The following FRMD3 variants were observed in gnomAD, a reference collection of about 807,000 sequenced individuals.
FRMD3 encodes the protein FERM domain-containing protein 3.
FRMD3 carries 33 observed loss-of-function variants against 70.2 expected under a neutral mutation model. The observed-to-expected ratio is 0.47, with a 90% confidence interval of 0.36 to 0.63. The LOEUF is 0.63. FRMD3 is among the 20% of genes least tolerant of loss of function. The probability of loss-of-function intolerance (pLI) is 0.00; values close to 1 mark genes in which losing one functional copy is unlikely to be tolerated. For synonymous variants in FRMD3, 279 were observed against 255.9 expected, an observed-to-expected ratio of 1.09 and a Z score of -0.86; for missense variants, 632 against 711.4, an observed-to-expected ratio of 0.89 and a Z score of 1.27.
chr9:83,396,131 C>A (rs1476201888), intron 1 of FRMD3, among the ~76,000 whole-genome samples: 2 of 152,178 alleles, frequency 1.3e-5, no homozygotes, highest in African/African-American at 2.4e-5. Context: ...CGAGGTCTGA[C>A]ACCTATGCTG....
chr9:83,298,651 T>G lies in FRMD3; in HGVS notation c.1070+97A>C, dbSNP rs1834772691. 6.6e-6 allele frequency: 6 copies of G among 913,712 alleles called. No individual in the cohort carries two copies. In the East Asian group the frequency reaches 1.5e-4, roughly 23 times the overall value. 56.6% of individuals were successfully genotyped at this position (913,712 alleles called of 1,614,324 possible). ...GTCTAAGGAAGTGAGAATGTCCTTC[T>G]TTAATGCTGTATGTCACTACACAAA... On this transcript the variant is annotated intron_variant, in intron 12 of 13. Transcript: ENST00000304195.
chr9:83,248,175 C>T lies in FRMD3; in HGVS notation c.1537G>A (p.Asp513Asn), dbSNP rs375988330. 139 of 1,614,058 alleles carry T rather than the reference C, an allele frequency of 8.6e-5. No homozygotes were observed. Among genetic ancestry groups the T allele is most frequent in the Non-Finnish European group, 1.1e-4 (132 of 1,180,046 alleles). Reference sequence around the variant, plus strand: ...ACCCGAATATGGCCAGTCAGAATGTCATAGCTCCACGACAAAGCACGGCGA... The same window carrying T: ...ACCCGAATATGGCCAGTCAGAATGTTATAGCTCCACGACAAAGCACGGCGA... Reference protein sequence around the residue: ...EARRALSWSYDILTGHIRVNP... With the variant: ...EARRALSWSYNILTGHIRVNP... Residue 513 changes from aspartate (D) to asparagine (N), a missense_variant, in exon 14 of 14, where the codon GAC (aspartate) becomes AAC (asparagine). Physicochemically the swap from Asp to Asn is conservative, Grantham distance 23. This residue lies in a region of FRMD3 where 418 missense variants were observed against 442.1 expected (regional missense o/e 0.95). Transcript: ENST00000304195.
At chr9:83,461,665 CTTTTTTTTTTTTTTTTTTTTT>C (rs200147815) in intron 1 of FRMD3, among the ~76,000 whole-genome samples, 26 of 70,696 alleles carry the variant, frequency 3.7e-4, no homozygotes, top group African/African-American at 7.9e-4. Flanking sequence ...AGGAATTTCC[CTTTTTTTTTTTTTTTTTTTTT>C]TTTTTTTTTT....
chr9:83,284,061 A>ATTTTTTTTTTTTTTTTTTTTTTGT (rs1834089694), intron 13 of FRMD3, among the ~76,000 whole-genome samples: 1 of 101,708 alleles, frequency 9.8e-6, no homozygotes, highest in Non-Finnish European at 2.0e-5. Flanking sequence ...CTAGGATGTT[A>ATTTTTTTTTTTTTTTTTTTTTTGT]TTTTTTTTTT....
chr9:83,407,708 C>T (rs1231375917), intron 1 of FRMD3, among the ~76,000 whole-genome samples: 1 of 152,182 alleles, frequency 6.6e-6, no homozygotes, highest in African/African-American at 2.4e-5. Flanking sequence ...ATTGACTGAG[C>T]TCAACTGGAT....
intron 3 of FRMD3, among the ~76,000 whole-genome samples, chr9:83,357,245 AC>A (rs1564032559): frequency 0.11 from 702 of 6,424 alleles, 97 homozygotes; most frequent in Middle Eastern, 0.25. Context: ...TATAATACAT[AC>A]ATATATATAT....
chr9:83,549,144 C>T, the FRMD3 span, among the ~76,000 whole-genome samples: 1 of 151,910 alleles, frequency 6.6e-6, no homozygotes, highest in Admixed American at 6.6e-5. Flanking sequence ...CTTTTGTTTC[C>T]CTCTTTGTGT....
chr9:83,498,781 T>C (rs1828999798), intron 1 of FRMD3, among the ~76,000 whole-genome samples: 1 of 152,142 alleles, frequency 6.6e-6, no homozygotes, highest in Admixed American at 6.5e-5. Context: ...AAAAACAGTG[T>C]ATTTTCCACT....
At chr9:83,423,092 G>A (rs1013119845) in intron 1 of FRMD3, among the ~76,000 whole-genome samples, 2 of 152,134 alleles carry the variant, frequency 1.3e-5, no homozygotes, top group East Asian at 1.9e-4. Context: ...CACCAATTTC[G>A]ATATTTTGAA....
chr9:83,536,774 G>A (rs1000948551), intron 1 of FRMD3, among the ~76,000 whole-genome samples: 1 of 151,760 alleles, frequency 6.6e-6, no homozygotes, highest in Non-Finnish European at 1.5e-5. Context: ...CCCCCAACAT[G>A]TCACACACTC....
intron 1 of FRMD3, among the ~76,000 whole-genome samples, chr9:83,503,875 G>A (rs973584225): frequency 4.6e-5 from 7 of 152,186 alleles, no homozygotes; most frequent in Non-Finnish European, 7.3e-5. Flanking sequence ...CAACTCATTC[G>A]TGCAAGAAGG....
At chr9:83,436,221 A>G (rs144470220) in intron 1 of FRMD3, among the ~76,000 whole-genome samples, 2 of 152,286 alleles carry the variant, frequency 1.3e-5, no homozygotes, top group East Asian at 3.9e-4. Flanking sequence ...AGCAGCTCCA[A>G]AAGAAAGAAA....
chr9:83,344,245 T>C (rs1823873873), intron 4 of FRMD3, among the ~76,000 whole-genome samples: 1 of 152,244 alleles, frequency 6.6e-6, no homozygotes, highest in South Asian at 2.1e-4. Flanking sequence ...GCAGATTCTT[T>C]CCGTGCTTCC....
chr9:83,468,263 A>G (rs978611222), intron 1 of FRMD3, among the ~76,000 whole-genome samples: 37 of 152,262 alleles, frequency 2.4e-4, no homozygotes, highest in African/African-American at 8.4e-4. Context: ...CTTTATCTGT[A>G]TAAGAAAATA....
the FRMD3 span, among the ~76,000 whole-genome samples, chr9:83,579,873 C>A: frequency 2.6e-3 from 400 of 152,048 alleles, 2 homozygotes; most frequent in African/African-American, 9.1e-3. Context: ...CAACTATATA[C>A]CTGATAAAGC....
At position 83,529,106 on chromosome 9, in the gene FRMD3, A is replaced by G. The variant is rs983351526; in HGVS notation, c.147+8979T>C. ...ATTCTCACATATGCTTCTTCATTCA[A>G]TCTGTTGCAATATCACACATCTTGT... is the stretch of plus-strand genomic sequence containing the variant. On this transcript the variant is annotated intron_variant, in intron 1 of 13. Coordinates refer to ENST00000304195, the MANE Select transcript of FRMD3 (RefSeq NM_174938.6). Among the ~76,000 whole-genome samples, 4 of 152,234 alleles carry G rather than the reference A, an allele frequency of 2.6e-5. No individual in the cohort carries two copies. In the South Asian group the frequency reaches 8.3e-4, roughly 31 times the overall value.
intron 6 of FRMD3, among the ~76,000 whole-genome samples, chr9:83,328,713 G>T (rs1028657727): frequency 1.3e-5 from 2 of 152,178 alleles, no homozygotes; most frequent in South Asian, 2.1e-4. Flanking sequence ...GAAAATCTGG[G>T]CTAGGCCATC....
chr9:83,280,714 C>T (rs1833949354), intron 13 of FRMD3, among the ~76,000 whole-genome samples: 1 of 152,096 alleles, frequency 6.6e-6, no homozygotes, highest in African/African-American at 2.4e-5. Flanking sequence ...AAATTAGATA[C>T]ATGTATATCT....
At chr9:83,395,220 T>C (rs775066421) in intron 1 of FRMD3, among the ~76,000 whole-genome samples, 28 of 149,208 alleles carry the variant, frequency 1.9e-4, no homozygotes, top group Admixed American at 4.7e-4. Context: ...TCCTTTTAGA[T>C]ATAAGGAAGT....
Sources: gnomAD v4.1 joint callset for allele counts (sites outside exome capture counted in the v4.1 genomes callset) on GRCh38, gnomAD v4.1.1 for gene constraint, gnomAD v4.1.1 regional missense constraint, MANE v1.5 for transcripts, NCBI Gene and HGNC (gene_info 2026-07-23, HGNC 2026-07-21) for gene names.